TXNL1: variants seen among roughly 807,000 people sequenced by gnomAD.
The protein encoded by TXNL1 is thioredoxin like 1.
Under a neutral mutation model 35.5 loss-of-function variants are expected in TXNL1, and 14 were observed. The observed-to-expected ratio is 0.39, with a 90% CI of 0.26 to 0.62. TXNL1 has a LOEUF of 0.62. Ranked by LOEUF, TXNL1 falls within the 20% of genes least tolerant of loss-of-function variation. The probability of loss-of-function intolerance (pLI) is 0.47; values close to 1 mark genes in which losing one functional copy is unlikely to be tolerated. For missense variants in TXNL1, 263 were observed against 349.7 expected, an observed-to-expected ratio of 0.75 and a Z score of 1.98; for synonymous variants, 110 against 115.5, an observed-to-expected ratio of 0.95 and a Z score of 0.31.
At chr18:56,631,873 T>C (rs2024376814) in intron 1 of TXNL1, among the ~76,000 whole-genome samples, 2 of 151,242 alleles carry the variant, frequency 1.3e-5, no homozygotes, top group South Asian at 2.1e-4. Flanking sequence ...TGAGACGAGA[T>C]TGCGCCATTG....
intron 5 of TXNL1, among the ~76,000 whole-genome samples, chr18:56,615,002 T>C (rs1463399035): frequency 6.6e-6 from 1 of 152,240 alleles, no homozygotes; most frequent in Non-Finnish European, 1.5e-5. Flanking sequence ...AAATAGCATT[T>C]GAGCTAGATC....
At chr18:56,610,083 A>AC (rs1189268049) in intron 7 of TXNL1, 11 of 152,216 alleles carry the variant, frequency 7.2e-5, no homozygotes, top group African/African-American at 2.7e-4. Context: ...CTTCAATTCC[A>AC]CAACAAGGGT....
intron 3 of TXNL1, among the ~76,000 whole-genome samples, chr18:56,619,451 C>G (rs1183391418): frequency 2.8e-5 from 4 of 144,466 alleles, no homozygotes; most frequent in Non-Finnish European, 4.5e-5. Flanking sequence ...GGCAGGAGAA[C>G]TTCTTGAACC....
intron 1 of TXNL1, among the ~76,000 whole-genome samples, chr18:56,635,206 C>T (rs2024437589): frequency 6.6e-6 from 1 of 152,020 alleles, no homozygotes; most frequent in African/African-American, 2.4e-5. Context: ...TGCAGTGAGC[C>T]ATCGTCTCAA....
chr18:56,638,279 CAA>C (rs1261789011), intron 1 of TXNL1, 62 bp downstream of exon 1: 21 of 1,498,956 alleles, frequency 1.4e-5, no homozygotes, highest in Non-Finnish European at 1.5e-5. Context: ...CCAGGGCCAA[CAA>C]AGAGTGAAAG....
intron 5 of TXNL1, among the ~76,000 whole-genome samples, chr18:56,615,912 T>C (rs7233298): frequency 0.065 from 9,834 of 152,074 alleles, 1,075 homozygotes; most frequent in African/African-American, 0.22. Flanking sequence ...GGTGGATCAC[T>C]TGGGGTCAGG....
At chr18:56,616,454 TC>T (rs1293223265) in intron 4 of TXNL1, 140 bp from the exon 5 acceptor site, 1 of 675,184 alleles carries the variant, frequency 1.5e-6, no homozygotes, top group Non-Finnish European at 2.5e-6. Flanking sequence ...ATATGAAAAA[TC>T]AGCAAGTGGA....
At chr18:56,638,067 C>CA (rs2024485606) in intron 1 of TXNL1, among the ~76,000 whole-genome samples, 1 of 152,148 alleles carries the variant, frequency 6.6e-6, no homozygotes, top group Non-Finnish European at 1.5e-5. Context: ...GGGCCACCCC[C>CA]AAAACCAGTT....
chr18:56,622,266 GAGA>G (rs2024201060), intron 3 of TXNL1, among the ~76,000 whole-genome samples: 1 of 151,970 alleles, frequency 6.6e-6, no homozygotes, highest in African/African-American at 2.4e-5. Context: ...AAAAAAGGCA[GAGA>G]AAAGTTTCTA....
chr18:56,620,478 C>T (rs181267220), intron 3 of TXNL1, among the ~76,000 whole-genome samples: 7 of 152,126 alleles, frequency 4.6e-5, no homozygotes, highest in African/African-American at 1.4e-4. Flanking sequence ...GATCTTTATA[C>T]GGATTTGGCA....
chr18:56,619,304 G>A (rs572840479), intron 3 of TXNL1, among the ~76,000 whole-genome samples: 17 of 151,422 alleles, frequency 1.1e-4, no homozygotes, highest in Non-Finnish European at 1.8e-4. Flanking sequence ...TTAGGAGGCC[G>A]AGGCGGGTGA....
At chr18:56,623,828 GAA>G (rs1172205443) in intron 3 of TXNL1, among the ~76,000 whole-genome samples, 1 of 148,174 alleles carries the variant, frequency 6.7e-6, no homozygotes, top group Non-Finnish European at 1.5e-5. Context: ...TACAGTGCCA[GAA>G]AAGAGGGCAT....
rs1315424061 is a variant in TXNL1 at position 56,597,585 on chromosome 18, A to T, written c.*5442T>A. On this transcript the variant is annotated 3_prime_UTR_variant, in exon 8 of 8. Coordinates refer to ENST00000217515, the MANE Select transcript of TXNL1 (RefSeq NM_004786.3). ...GTTTTTCCTCCCTTTCCTGTTTACT[A>T]CTCTACCTTCCAGGTTCCTCTTTTC... The T allele has an allele frequency of 1.3e-5, 2 of 151,824 alleles. No homozygotes were observed. The highest frequency in any genetic ancestry group is 6.6e-5 in the Admixed American group (1 of 15,238). The allele number at this position is 151,824 out of a possible 1,614,324, so 9.4% of individuals were successfully genotyped here.
In TXNL1 at chr18:56,621,291, C is replaced by T. The variant is rs369579184; in HGVS notation, c.369+2997G>A. On this transcript the variant is annotated intron_variant, in intron 3 of 7. Coordinates refer to ENST00000217515, the MANE Select transcript of TXNL1 (RefSeq NM_004786.3). ...CGCAATCTTGGCTCAATGCAACCTCCGCCTCCTGCAATTCTGCTTCAGCCT... is the reference window on the plus strand; with the variant it reads ...CGCAATCTTGGCTCAATGCAACCTCTGCCTCCTGCAATTCTGCTTCAGCCT... Among the ~76,000 whole-genome samples, 16 of 151,588 alleles carry T rather than the reference C, an allele frequency of 1.1e-4. No individual in the cohort carries two copies. In the East Asian group the frequency reaches 2.3e-3, roughly 22 times the overall value.
At chr18:56,617,837 G>C (rs1465312802) in intron 4 of TXNL1, among the ~76,000 whole-genome samples, 167 bp downstream of exon 4, 1 of 151,468 alleles carries the variant, frequency 6.6e-6, no homozygotes, top group East Asian at 1.9e-4. Context: ...AAGAAGGTGG[G>C]TATGTATGGT....
rs2023981520 is a variant in TXNL1, at chr18:56,611,041, A to G, written c.792T>C (p.Thr264=). The stretch of plus-strand genomic sequence containing the variant: ...TTGCCTGGACTGGAGTACCAATAAA[A>G]GTAAAATATGAAATTCTTGTTGTTT... ...EEETTRISYF[T]FIGTPVQATN... Residue 264 remains threonine (T), a synonymous_variant, in exon 7 of 8, where the codon ACT becomes ACC. Transcript: ENST00000217515. 1 of 1,608,932 alleles carries G rather than the reference A, an allele frequency of 6.2e-7. No homozygotes were observed. Among genetic ancestry groups the G allele is most frequent in the African/African-American group, 1.3e-5 (1 of 74,600 alleles).
chr18:56,624,512 G>A lies in TXNL1; in HGVS notation c.196-51C>T, dbSNP rs779735445. On this transcript the variant is annotated intron_variant, in intron 2 of 7. Transcript: ENST00000217515. ...TATGAATTAAATCTTAAACCACTTT[G>A]AATATTCATTCTACACCTTTATGGA... 101 of 1,542,866 alleles carry A rather than the reference G, an allele frequency of 6.5e-5. No homozygotes were observed. The Admixed American group carries it at 1.8e-3, about 28-fold the overall frequency.
intron 7 of TXNL1, among the ~76,000 whole-genome samples, chr18:56,607,161 T>TTGTGTGTGTG (rs112495608): frequency 0.016 from 2,185 of 137,568 alleles, 47 homozygotes; most frequent in East Asian, 0.071. Context: ...CTGGGTAATT[T>TTGTGTGTGTG]TGTGTGTGTG....
Position 56,618,054 on chromosome 18 carries a change from TGTCAAA to T in TXNL1, c.436_441del (p.Phe146_Asp147del), listed in dbSNP as rs1272678115. On this transcript the variant is annotated inframe_deletion, in exon 4 of 8. Coordinates refer to ENST00000217515, the MANE Select transcript of TXNL1 (RefSeq NM_004786.3). ...AAGGTTGTGTCTTTTCGTAAACAGT[TGTCAAA>T]TCCATGCTCATCACTTTCATTAAGA... 7 of 1,613,920 alleles carry T rather than the reference TGTCAAA, an allele frequency of 4.3e-6. No individual in the cohort carries two copies.
Sources: gnomAD v4.1 joint callset for allele counts (sites outside exome capture counted in the v4.1 genomes callset) on GRCh38, gnomAD v4.1.1 for gene constraint, MANE v1.5 for transcripts, NCBI Gene and HGNC (gene_info 2026-07-23, HGNC 2026-07-21) for gene names.